The following FHIT variants were observed in gnomAD, a reference collection of about 807,000 sequenced individuals.
FHIT encodes the protein fragile histidine triad diadenosine triphosphatase.
A neutral mutation model predicts 17.9 loss-of-function variants in FHIT; 19 were observed. The ratio of observed to expected loss-of-function variants is 1.06; its 90% confidence interval spans 0.74 to 1.56. The LOEUF (loss-of-function observed/expected upper bound fraction) is 1.56. Ranked by LOEUF, FHIT falls within the 40% of genes most tolerant of loss-of-function variation. The pLI, the probability that FHIT is intolerant of heterozygous loss-of-function variation, is 0.00. For missense variants in FHIT, 248 were observed against 189.2 expected (o/e 1.31, Z -1.82); for synonymous variants, 81 against 69.7 (o/e 1.16, Z -0.81).
At chr3:61,193,807 C>T (rs997198131) in intron 2 of FHIT, among the ~76,000 whole-genome samples, 1 of 152,146 alleles carries the variant, frequency 6.6e-6, no homozygotes, top group Non-Finnish European at 1.5e-5. Flanking sequence ...TACCTTTCCT[C>T]ACCTCTCACA....
At chr3:60,460,091 G>A (rs751518776) in intron 5 of FHIT, among the ~76,000 whole-genome samples, 14 of 152,102 alleles carry the variant, frequency 9.2e-5, no homozygotes, top group African/African-American at 1.2e-4. Context: ...TCAGAAGTTC[G>A]TAACTGGCAT....
chr3:60,375,951 A>G (rs1700542072), intron 5 of FHIT, among the ~76,000 whole-genome samples: 1 of 152,168 alleles, frequency 6.6e-6, no homozygotes, highest in Admixed American at 6.5e-5. Context: ...TGAGGAAGTG[A>G]ACATTTAATT....
At chr3:61,190,423 A>G (rs2038676053) in intron 2 of FHIT, among the ~76,000 whole-genome samples, 1 of 152,204 alleles carries the variant, frequency 6.6e-6, no homozygotes, top group African/African-American at 2.4e-5. Flanking sequence ...TTAAAAAGTC[A>G]GGAAACAACA....
intron 5 of FHIT, among the ~76,000 whole-genome samples, chr3:60,053,888 TACAG>T (rs1023779937): frequency 1.3e-5 from 2 of 152,174 alleles, no homozygotes; most frequent in African/African-American, 4.8e-5. Context: ...CTTAAAAATA[TACAG>T]ACAGACATAT....
At chr3:60,323,130 C>T (rs1305761958) in intron 5 of FHIT, among the ~76,000 whole-genome samples, 1 of 151,992 alleles carries the variant, frequency 6.6e-6, no homozygotes, top group Non-Finnish European at 1.5e-5. Flanking sequence ...TGTCTTAAAA[C>T]CAAATTGTTA....
intron 5 of FHIT, among the ~76,000 whole-genome samples, chr3:60,534,146 G>A (rs886292184): frequency 3.3e-5 from 5 of 152,144 alleles, no homozygotes; most frequent in Non-Finnish European, 7.3e-5. Context: ...GCGTCTCCCA[G>A]GCCGGGCGCG....
intron 5 of FHIT, among the ~76,000 whole-genome samples, chr3:60,021,307 G>C (rs1700545894): frequency 6.6e-6 from 1 of 152,126 alleles, no homozygotes; most frequent in South Asian, 2.1e-4. Flanking sequence ...CAAAACTCCG[G>C]TACCGATCTG....
intron 5 of FHIT, among the ~76,000 whole-genome samples, chr3:60,117,932 C>A (rs1310422156): frequency 6.6e-6 from 1 of 152,132 alleles, no homozygotes; most frequent in East Asian, 1.9e-4. Context: ...CAGTGAAAAT[C>A]AGGTCTGGTT....
intron 5 of FHIT, among the ~76,000 whole-genome samples, chr3:60,461,837 T>C (rs1437597252): frequency 6.6e-6 from 1 of 152,122 alleles, no homozygotes; most frequent in Non-Finnish European, 1.5e-5. Flanking sequence ...AGCACCTCTA[T>C]TTTGAATGTG....
chr3:59,942,091 G>T (rs1240939146), intron 7 of FHIT, among the ~76,000 whole-genome samples: 1 of 152,150 alleles, frequency 6.6e-6, no homozygotes, highest in Non-Finnish European at 1.5e-5. Flanking sequence ...GGTGGACCCT[G>T]TTAACTATTC....
chr3:59,938,045 G>A (rs1016211972), intron 7 of FHIT, among the ~76,000 whole-genome samples: 1 of 152,082 alleles, frequency 6.6e-6, no homozygotes, highest in Non-Finnish European at 1.5e-5. Flanking sequence ...CTACCCAGAT[G>A]TGCTACAAGT....
chr3:60,955,569 A>T (rs1461629882), intron 3 of FHIT, among the ~76,000 whole-genome samples: 1 of 116,110 alleles, frequency 8.6e-6, no homozygotes, highest in Non-Finnish European at 1.8e-5. Flanking sequence ...CTTAAAAACT[A>T]AAATGTATCT....
At chr3:60,132,505 T>C (rs1699637763) in intron 5 of FHIT, among the ~76,000 whole-genome samples, 1 of 152,200 alleles carries the variant, frequency 6.6e-6, no homozygotes, top group Admixed American at 6.5e-5. Flanking sequence ...CTACAGGCCC[T>C]TGATAGATGT....
rs368207680 is a variant in FHIT, at chr3:60,839,384, GA to G, written c.-110-17374del. Reference sequence around the variant, plus strand: ...TTACACACACTCCATCCTGCCTGCCGAATGACTTCAGTGTCTCTGTGACCAG... The same window carrying G: ...TTACACACACTCCATCCTGCCTGCCGATGACTTCAGTGTCTCTGTGACCAG... On this transcript the variant is annotated intron_variant, in intron 3 of 9. Coordinates refer to ENST00000492590, the MANE Select transcript of FHIT (RefSeq NM_002012.4). 1.6e-3 allele frequency among the ~76,000 whole-genome samples: 251 copies of G among 152,172 alleles called. 1 individual carries two copies. The highest frequency in any genetic ancestry group is 5.8e-3 in the African/African-American group (239 of 41,528).
intron 4 of FHIT, among the ~76,000 whole-genome samples, chr3:60,557,720 C>A (rs539139081): frequency 6.6e-6 from 1 of 151,860 alleles, no homozygotes; most frequent in Non-Finnish European, 1.5e-5. Context: ...CTCATTGCCA[C>A]GTGGGCTGAG....
intron 5 of FHIT, among the ~76,000 whole-genome samples, chr3:60,201,405 T>C (rs535875123): frequency 3.3e-5 from 5 of 152,186 alleles, no homozygotes; most frequent in Non-Finnish European, 7.4e-5. Context: ...GGCCTTGAAC[T>C]CCTAGGCTCA....
At chr3:60,800,324 T>C (rs1332027809) in intron 4 of FHIT, among the ~76,000 whole-genome samples, 3 of 152,240 alleles carry the variant, frequency 2.0e-5, no homozygotes, top group Non-Finnish European at 4.4e-5. Flanking sequence ...CGGTGCCTAA[T>C]TCTTTCTAAA....
chr3:59,841,051 C>T (rs929399702), intron 8 of FHIT, among the ~76,000 whole-genome samples: 3 of 152,164 alleles, frequency 2.0e-5, no homozygotes, highest in Non-Finnish European at 4.4e-5. Context: ...GTTTAATTTT[C>T]GCCATGTCTT....
At chr3:60,350,972 A>T (rs926765273) in intron 5 of FHIT, among the ~76,000 whole-genome samples, 1 of 152,172 alleles carries the variant, frequency 6.6e-6, no homozygotes, top group African/African-American at 2.4e-5. Context: ...AAAGAAACGA[A>T]GTCTGTCAAC....
Sources: gnomAD v4.1 joint callset for allele counts (sites outside exome capture counted in the v4.1 genomes callset) on GRCh38, gnomAD v4.1.1 for gene constraint, MANE v1.5 for transcripts, NCBI Gene and HGNC (gene_info 2026-07-23, HGNC 2026-07-21) for gene names.